The following FNDC3A variants were observed in gnomAD, a reference collection of about 807,000 sequenced individuals.
The protein encoded by FNDC3A is fibronectin type III domain containing 3A.
A neutral mutation model predicts 148.9 loss-of-function variants in FNDC3A; 32 were observed. The ratio of observed to expected loss-of-function variants is 0.21; its 90% CI spans 0.16 to 0.29. FNDC3A has a LOEUF of 0.29. Among genes scored for constraint, FNDC3A ranks in the 10% least tolerant of loss-of-function variants. The pLI, the probability that FNDC3A is intolerant of heterozygous loss-of-function variation, is 1.00. For synonymous variants in FNDC3A, 472 were observed against 473.6 expected (o/e 1.00, Z 0.04); for missense variants, 1,191 against 1,452.8 (o/e 0.82, Z 2.93).
intron 2 of FNDC3A, among the ~76,000 whole-genome samples, chr13:49,038,752 G>C (rs1874694593): frequency 6.6e-6 from 1 of 152,082 alleles, no homozygotes; most frequent in Admixed American, 6.6e-5. Flanking sequence ...TTACTTTGTT[G>C]TTCTCAGACC....
chr13:49,161,831 A>C (rs1431776378), intron 8 of FNDC3A, among the ~76,000 whole-genome samples: 1 of 151,940 alleles, frequency 6.6e-6, no homozygotes, highest in Non-Finnish European at 1.5e-5. Context: ...ATTTGCTTGT[A>C]AATTTGTCTG....
At chr13:49,015,911 A>G (rs1392007407) in intron 2 of FNDC3A, among the ~76,000 whole-genome samples, 5 of 151,028 alleles carry the variant, frequency 3.3e-5, no homozygotes, top group Non-Finnish European at 7.4e-5. Context: ...ACATTTATTG[A>G]TTTGCGTATA....
At chr13:49,040,422 ACTC>A (rs1398798528) in intron 2 of FNDC3A, among the ~76,000 whole-genome samples, 2 of 152,162 alleles carry the variant, frequency 1.3e-5, no homozygotes, top group Non-Finnish European at 2.9e-5. Context: ...GCAAAGGAAA[ACTC>A]CTAGGTATCA....
At chr13:49,003,061 C>G (rs1328796528) in intron 1 of FNDC3A, among the ~76,000 whole-genome samples, 1 of 152,072 alleles carries the variant, frequency 6.6e-6, no homozygotes, top group Non-Finnish European at 1.5e-5. Context: ...TTTTTCATTT[C>G]ATTTTCCACT....
chr13:49,108,661 A>G (rs1880354391), intron 3 of FNDC3A, among the ~76,000 whole-genome samples: 1 of 152,206 alleles, frequency 6.6e-6, no homozygotes, highest in African/African-American at 2.4e-5. Flanking sequence ...GCTGTGTGCA[A>G]ATGTGAGCCA....
chr13:49,187,976 C>G (rs941763701), intron 16 of FNDC3A, among the ~76,000 whole-genome samples: 12 of 152,118 alleles, frequency 7.9e-5, no homozygotes, highest in Admixed American at 3.3e-4. Flanking sequence ...TTAGTTTATT[C>G]AGTTAGATTT....
Position 49,198,089 on chromosome 13 carries a change from G to A in FNDC3A, c.2598G>A (p.Glu866=). The A allele has an allele frequency of 1.2e-6, 2 of 1,614,122 alleles. No homozygotes were observed. Among genetic ancestry groups the A allele is most frequent in the Non-Finnish European group, 1.7e-6 (2 of 1,180,010 alleles). ...GTCTTCAAGAAATAAGCGATGATGA[G>A]ATAGAAAATCCCCATTATTCACCTT... is the stretch of plus-strand genomic sequence containing the variant. ...VTCLQEISDD[E]IENPHYSPST... Residue 866 remains glutamate (E), a synonymous_variant, in exon 22 of 26, where the codon GAG becomes GAA. Coordinates refer to ENST00000492622, the MANE Select transcript of FNDC3A (RefSeq NM_001079673.2).
At chr13:49,135,716 G>A (rs955243940) in intron 5 of FNDC3A, among the ~76,000 whole-genome samples, 12 of 152,050 alleles carry the variant, frequency 7.9e-5, no homozygotes, top group Non-Finnish European at 1.6e-4. Flanking sequence ...TATTTATTGA[G>A]CATAATGACT....
chr13:49,116,162 G>A (rs569708860), intron 4 of FNDC3A, among the ~76,000 whole-genome samples: 107 of 152,078 alleles, frequency 7.0e-4, no homozygotes, highest in Non-Finnish European at 3.2e-4. Flanking sequence ...TTTATTTTTT[G>A]TGGCAAACTC....
intron 2 of FNDC3A, chr13:49,045,784 A>T (rs926974663): frequency 2.4e-6 from 1 of 417,292 alleles, no homozygotes; most frequent in Non-Finnish European, 4.2e-6. Flanking sequence ...GATTTTAATG[A>T]CAGTCCTTTT....
At chr13:49,187,024 T>G (rs1885611264) in intron 15 of FNDC3A, 98 bp from the exon 16 acceptor site, 1 of 772,572 alleles carries the variant, frequency 1.3e-6, no homozygotes, top group Admixed American at 2.7e-5. Context: ...GTGATTTTTT[T>G]TTTTTAAACC....
intron 2 of FNDC3A, among the ~76,000 whole-genome samples, chr13:49,056,698 T>C (rs987818420): frequency 2.0e-5 from 3 of 152,210 alleles, no homozygotes; most frequent in Non-Finnish European, 4.4e-5. Flanking sequence ...GTTTAACTAT[T>C]TCATTGTTTT....
chr13:49,137,058 C>T (rs1054964610), intron 6 of FNDC3A, among the ~76,000 whole-genome samples: 4 of 151,824 alleles, frequency 2.6e-5, no homozygotes, highest in African/African-American at 7.3e-5. Flanking sequence ...ATCTCCTGGG[C>T]TCAAGCAGTC....
chr13:49,198,468 G>A lies in FNDC3A; in HGVS notation c.2881G>A (p.Ala961Thr), dbSNP rs1886263796. The A allele has an allele frequency of 6.2e-7, 1 of 1,613,998 alleles. No homozygotes were observed. The highest frequency in any genetic ancestry group is 8.5e-7 in the Non-Finnish European group (1 of 1,180,010). Residue 961 changes from alanine to threonine, a missense_variant, in exon 23 of 26, where the codon GCC (alanine) becomes ACC (threonine). Physicochemically the swap from Ala to Thr is moderately conservative, Grantham distance 58. Around this residue, in one of 3 missense-constraint regions of FNDC3A, gnomAD observed 751 missense variants for 944.0 expected, o/e 0.80. Coordinates refer to ENST00000492622, the MANE Select transcript of FNDC3A (RefSeq NM_001079673.2). ...PPDPPRLECV[A>T]FSHQNLKLKW... is the part of the protein sequence containing the mutation. ...TGATCCACCTCGTCTGGAATGTGTT[G>A]CCTTTAGCCACCAGAACCTTAAGCT...
intron 3 of FNDC3A, among the ~76,000 whole-genome samples, chr13:49,079,705 T>C (rs1292618410): frequency 1.3e-5 from 2 of 152,150 alleles, no homozygotes; most frequent in Non-Finnish European, 2.9e-5. Flanking sequence ...ATGTAATCTT[T>C]CAAATACACT....
chr13:49,186,188 A>G, intron 15 of FNDC3A, 86 bp downstream of exon 15: 1 of 1,187,774 alleles, frequency 8.4e-7, no homozygotes, highest in South Asian at 1.5e-5. Context: ...AAGATATTTG[A>G]GTAAATTTGT....
In FNDC3A at chr13:49,158,396, G is replaced by C. The variant is rs568855444; in HGVS notation, c.978-8848G>C. On this transcript the variant is annotated intron_variant, in intron 8 of 25. Coordinates refer to ENST00000492622, the MANE Select transcript of FNDC3A (RefSeq NM_001079673.2). ...GCTTCGGCTCGCCCACGGTACGCGCGCTCACTGACCTGCGCCCACTGTCTG... is the reference window on the plus strand; with the variant it reads ...GCTTCGGCTCGCCCACGGTACGCGCCCTCACTGACCTGCGCCCACTGTCTG... Among the ~76,000 whole-genome samples, 9 of 152,290 alleles carry C rather than the reference G, an allele frequency of 5.9e-5. No homozygotes were observed. The South Asian group carries it at 1.9e-3, about 32-fold the overall frequency.
At chr13:49,050,627 G>A (rs1875766271) in intron 2 of FNDC3A, among the ~76,000 whole-genome samples, 1 of 152,156 alleles carries the variant, frequency 6.6e-6, no homozygotes, top group Non-Finnish European at 1.5e-5. Context: ...CAGTTGTTGG[G>A]TAGAATGTTC....
At chr13:49,034,629 G>T (rs1224660774) in intron 2 of FNDC3A, among the ~76,000 whole-genome samples, 2 of 151,940 alleles carry the variant, frequency 1.3e-5, no homozygotes, top group Non-Finnish European at 2.9e-5. Context: ...TTGATATATT[G>T]ATGCAGTTTA....
Sources: allele counts gnomAD v4.1 joint callset (sites outside exome capture counted in the v4.1 genomes callset), GRCh38; gene constraint gnomAD v4.1.1; regional missense constraint gnomAD v4.1.1; transcripts MANE v1.5; gene names NCBI Gene and HGNC (gene_info 2026-07-23, HGNC 2026-07-21).